Variants in KAZN observed in about 807,000 individuals in gnomAD.
KAZN encodes the protein kazrin, periplakin interacting protein.
A neutral mutation model predicts 87.4 loss-of-function variants in KAZN; 40 were observed. The ratio of observed to expected loss-of-function variants is 0.46; its 90% CI spans 0.36 to 0.60. The LOEUF is 0.60. Among genes scored for constraint, KAZN ranks in the 20% least tolerant of loss-of-function variants. The pLI, the probability that KAZN is intolerant of heterozygous loss-of-function variation, is 0.00. For synonymous variants in KAZN, 466 were observed against 458.3 expected, an observed-to-expected ratio of 1.02 and a Z score of -0.22; for missense variants, 898 against 1,073.9, an observed-to-expected ratio of 0.84 and a Z score of 2.29.
chr1:14,271,076 T>C (rs539681030), intron 2 of KAZN, among the ~76,000 whole-genome samples: 7 of 152,308 alleles, frequency 4.6e-5, no homozygotes, highest in African/African-American at 1.7e-4. Context: ...TCCAGCAGGG[T>C]TGGCTACTCC....
At chr1:13,961,023 G>T (rs1009298771) in intron 1 of KAZN, among the ~76,000 whole-genome samples, 7 of 152,290 alleles carry the variant, frequency 4.6e-5, no homozygotes, top group Admixed American at 4.6e-4. Context: ...CATTCTAGGT[G>T]CTGAGAAGAA....
At chr1:14,067,336 C>A (rs1241066859) in intron 1 of KAZN, among the ~76,000 whole-genome samples, 1 of 152,136 alleles carries the variant, frequency 6.6e-6, no homozygotes, top group Non-Finnish European at 1.5e-5. Flanking sequence ...GAAACTTTCC[C>A]CCTCCTTTGG....
At chr1:14,638,334 C>G (rs1162792161) in intron 1 of KAZN, among the ~76,000 whole-genome samples, 1 of 151,908 alleles carries the variant, frequency 6.6e-6, no homozygotes, top group Non-Finnish European at 1.5e-5. Context: ...TTTGGGAGGC[C>G]GAGGCGGGCG....
intron 2 of KAZN, among the ~76,000 whole-genome samples, chr1:14,225,618 A>C (rs1357307224): frequency 1.3e-5 from 2 of 152,204 alleles, no homozygotes; most frequent in Admixed American, 1.3e-4. Flanking sequence ...ACCTTACTTC[A>C]AACTATATTA....
At chr1:14,926,186 A>G (rs1659152569) in intron 1 of KAZN, among the ~76,000 whole-genome samples, 1 of 152,154 alleles carries the variant, frequency 6.6e-6, no homozygotes, top group Non-Finnish European at 1.5e-5. Flanking sequence ...CACCCTCATG[A>G]ACTATGTCAA....
chr1:14,415,745 G>GCCTTCCCTTC (rs769391420), intron 2 of KAZN, among the ~76,000 whole-genome samples: 1 of 152,086 alleles, frequency 6.6e-6, no homozygotes, highest in African/African-American at 2.4e-5. Context: ...AGGACATTTT[G>GCCTTCCCTTC]CCTTCCCTTC....
intron 1 of KAZN, among the ~76,000 whole-genome samples, chr1:14,047,643 G>A (rs1642133757): frequency 1.3e-5 from 2 of 152,150 alleles, no homozygotes; most frequent in African/African-American, 4.8e-5. Context: ...CAGGGTGGGC[G>A]GACCACTTGA....
At chr1:14,900,423 A>T (rs2101250335) in intron 1 of KAZN, among the ~76,000 whole-genome samples, 1 of 152,028 alleles carries the variant, frequency 6.6e-6, no homozygotes, top group Admixed American at 6.5e-5. Flanking sequence ...AGTGGTAATG[A>T]CCCCATAGGG....
At chr1:14,311,847 A>T (rs1439821982) in intron 2 of KAZN, among the ~76,000 whole-genome samples, 1 of 152,140 alleles carries the variant, frequency 6.6e-6, no homozygotes, top group Non-Finnish European at 1.5e-5. Flanking sequence ...GGTGGGGACC[A>T]GATGAGGCAT....
At chr1:14,520,268 A>G (rs1372629280) in intron 2 of KAZN, among the ~76,000 whole-genome samples, 1 of 152,108 alleles carries the variant, frequency 6.6e-6, no homozygotes, top group Non-Finnish European at 1.5e-5. Context: ...AAATGACCAC[A>G]CATGGCCACA....
At chr1:14,354,288 G>T (rs545646990) in intron 2 of KAZN, among the ~76,000 whole-genome samples, 1 of 152,110 alleles carries the variant, frequency 6.6e-6, no homozygotes, top group Non-Finnish European at 1.5e-5. Context: ...CCTTAGAGAG[G>T]ATGCAGAAGG....
chr1:14,244,748 G>A (rs750578386), intron 2 of KAZN, among the ~76,000 whole-genome samples: 2 of 152,174 alleles, frequency 1.3e-5, no homozygotes, highest in African/African-American at 4.8e-5. Flanking sequence ...GTGAGGAGGT[G>A]AGAATTGATG....
intron 1 of KAZN, among the ~76,000 whole-genome samples, chr1:14,066,997 A>G (rs960781594): frequency 1.3e-5 from 2 of 152,068 alleles, no homozygotes; most frequent in Non-Finnish European, 2.9e-5. Context: ...TGACTACCCT[A>G]TCTCAAGTAG....
chr1:14,927,066 A>C (rs1459728077), intron 1 of KAZN, among the ~76,000 whole-genome samples: 1 of 152,116 alleles, frequency 6.6e-6, no homozygotes, highest in African/African-American at 2.4e-5. Flanking sequence ...CAGACAGTGG[A>C]TGTTTGCACA....
chr1:15,060,375 G>A (rs1573221948), intron 6 of KAZN, 73 bp downstream of exon 6: 50 of 1,584,108 alleles, frequency 3.2e-5, no homozygotes, highest in Non-Finnish European at 3.5e-6. Context: ...GTGGCGGGGT[G>A]AAGCCATACT....
At chr1:14,656,750 C>G (rs1292081341) in intron 1 of KAZN, among the ~76,000 whole-genome samples, 1 of 152,192 alleles carries the variant, frequency 6.6e-6, no homozygotes, top group African/African-American at 2.4e-5. Context: ...AGAGCTCACT[C>G]ACTATCACGA....
chr1:14,976,438 T>A (rs565664068), intron 2 of KAZN, among the ~76,000 whole-genome samples: 2 of 152,264 alleles, frequency 1.3e-5, no homozygotes, highest in Admixed American at 6.5e-5. Context: ...GCCCCTGAAT[T>A]CCGGAGGAAC....
intron 1 of KAZN, among the ~76,000 whole-genome samples, chr1:14,636,213 T>G (rs1411030763): frequency 6.6e-6 from 1 of 152,220 alleles, no homozygotes; most frequent in Non-Finnish European, 1.5e-5. Flanking sequence ...CTCCGTCTCT[T>G]GGCTTCAGTT....
intron 2 of KAZN, among the ~76,000 whole-genome samples, chr1:14,444,043 G>A (rs1245067838): frequency 1.3e-5 from 2 of 152,142 alleles, no homozygotes; most frequent in Non-Finnish European, 2.9e-5. Flanking sequence ...ACTAACTGCA[G>A]AGTATATATT....
Sources: allele counts gnomAD v4.1 joint callset (sites outside exome capture counted in the v4.1 genomes callset), GRCh38; gene constraint gnomAD v4.1.1; transcripts MANE v1.5; gene names NCBI Gene and HGNC (gene_info 2026-07-23, HGNC 2026-07-21).